Variants in MAGI1 observed in about 807,000 individuals in gnomAD.
The protein encoded by MAGI1 is membrane associated guanylate kinase, WW and PDZ domain containing 1, also known as membrane-associated guanylate kinase, WW and PDZ domain-containing protein 1.
In MAGI1, 58 loss-of-function variants were observed where a neutral mutation model predicts 139.9. That is an observed-to-expected ratio of 0.41 (90% CI 0.34 to 0.52). The LOEUF (loss-of-function observed/expected upper bound fraction) is 0.52. Among genes scored for constraint, MAGI1 ranks in the 20% least tolerant of loss-of-function variants. The probability of loss-of-function intolerance (pLI) is 0.12; values close to 1 mark genes in which losing one functional copy is unlikely to be tolerated. For missense variants in MAGI1, 1,874 were observed against 1,901.6 expected (o/e 0.99, Z 0.27); for synonymous variants, 812 against 737.9 (o/e 1.10, Z -1.63).
intron 1 of MAGI1, among the ~76,000 whole-genome samples, chr3:65,803,716 T>C (rs913118697): frequency 6.6e-6 from 1 of 152,112 alleles, no homozygotes; most frequent in Non-Finnish European, 1.5e-5. Context: ...TACCTTCCAG[T>C]AGGCCCCAGT....
intron 2 of MAGI1, among the ~76,000 whole-genome samples, chr3:65,561,027 C>T (rs990782034): frequency 6.6e-6 from 1 of 152,106 alleles, no homozygotes; most frequent in Non-Finnish European, 1.5e-5. Context: ...TAAATAAAAA[C>T]AAGCTGTCCA....
chr3:65,795,779 G>A (rs1221955346), intron 1 of MAGI1, among the ~76,000 whole-genome samples: 1 of 151,384 alleles, frequency 6.6e-6, no homozygotes, highest in Non-Finnish European at 1.5e-5. Flanking sequence ...CGAGGGGTGT[G>A]ATGGCTCATG....
chr3:65,591,213 C>T (rs998215085), intron 2 of MAGI1, among the ~76,000 whole-genome samples: 1 of 152,126 alleles, frequency 6.6e-6, no homozygotes, highest in African/African-American at 2.4e-5. Flanking sequence ...CAAAATGAAA[C>T]TCCTGATCTT....
chr3:65,520,577 CA>C (rs1281742171), intron 2 of MAGI1, among the ~76,000 whole-genome samples: 4 of 152,028 alleles, frequency 2.6e-5, no homozygotes, highest in East Asian at 1.9e-4. Context: ...AATGAGTACT[CA>C]AAAAAAGTGA....
At chr3:65,520,147 A>G (rs1240521423) in intron 2 of MAGI1, among the ~76,000 whole-genome samples, 1 of 152,244 alleles carries the variant, frequency 6.6e-6, no homozygotes, top group Non-Finnish European at 1.5e-5. Context: ...TTCCTGAAAC[A>G]GACACAAGCC....
At chr3:65,549,134 C>CA (rs1240531006) in intron 2 of MAGI1, among the ~76,000 whole-genome samples, 4 of 152,094 alleles carry the variant, frequency 2.6e-5, no homozygotes, top group Admixed American at 6.5e-5. Flanking sequence ...GCCCAAGAAA[C>CA]ATGGCTGGCT....
intron 2 of MAGI1, among the ~76,000 whole-genome samples, chr3:65,551,943 G>C (rs1176224162): frequency 6.6e-6 from 1 of 152,222 alleles, no homozygotes; most frequent in Non-Finnish European, 1.5e-5. Flanking sequence ...CTCATCAGAG[G>C]ACTAGATAAG....
intron 1 of MAGI1, among the ~76,000 whole-genome samples, chr3:65,738,565 C>G (rs941974162): frequency 2.0e-5 from 3 of 152,206 alleles, no homozygotes; most frequent in South Asian, 2.1e-4. Flanking sequence ...GAATCACTAT[C>G]TACGGCAGCT....
chr3:65,479,699 A>G (rs1951136251), intron 3 of MAGI1, among the ~76,000 whole-genome samples: 1 of 152,184 alleles, frequency 6.6e-6, no homozygotes, highest in African/African-American at 2.4e-5. Context: ...ATAATAAGAA[A>G]TTAATCAGCT....
At chr3:65,932,406 A>C (rs539648207) in intron 1 of MAGI1, among the ~76,000 whole-genome samples, 16 of 152,324 alleles carry the variant, frequency 1.1e-4, no homozygotes, top group Middle Eastern at 3.4e-3. Flanking sequence ...ATGTTTTCTA[A>C]AACTGCTCTC....
At chr3:65,609,747 G>C (rs2082946291) in intron 2 of MAGI1, 1 of 329,534 alleles carries the variant, frequency 3.0e-6, no homozygotes, top group African/African-American at 2.2e-5. Flanking sequence ...ACCATACCTG[G>C]GTAATTTTTT....
At chr3:65,876,353 C>T (rs899767547) in intron 1 of MAGI1, among the ~76,000 whole-genome samples, 1 of 151,790 alleles carries the variant, frequency 6.6e-6, no homozygotes, top group Admixed American at 6.6e-5. Flanking sequence ...CACCACCCCC[C>T]CCAAAAAAGG....
At chr3:65,659,866 C>T (rs1374214497) in intron 1 of MAGI1, among the ~76,000 whole-genome samples, 3 of 152,092 alleles carry the variant, frequency 2.0e-5, no homozygotes, top group Non-Finnish European at 2.9e-5. Flanking sequence ...CATTTCTCAA[C>T]CCCCAATCTC....
intron 2 of MAGI1, among the ~76,000 whole-genome samples, chr3:65,559,880 C>G (rs932747777): frequency 1.3e-5 from 2 of 151,968 alleles, no homozygotes; most frequent in Non-Finnish European, 2.9e-5. Context: ...ATAAAATATA[C>G]AAAAAGCTAG....
intron 1 of MAGI1, among the ~76,000 whole-genome samples, chr3:65,918,587 G>C (rs950393675): frequency 5.3e-5 from 8 of 151,932 alleles, no homozygotes; most frequent in African/African-American, 1.9e-4. Context: ...CACCATGTTG[G>C]TCAGGCTGGT....
At chr3:65,825,505 T>C (rs2042174165) in intron 1 of MAGI1, among the ~76,000 whole-genome samples, 1 of 152,136 alleles carries the variant, frequency 6.6e-6, no homozygotes, top group South Asian at 2.1e-4. Flanking sequence ...ATCAGAGCTC[T>C]TTCTTCCCTA....
At position 65,437,199 on chromosome 3, in the gene MAGI1, T is replaced by A; in HGVS notation, c.1319A>T (p.His440Leu). The change falls in exon 10 of 23, where the codon CAC becomes CTC. Residue 440 changes from histidine to leucine, a missense_variant. Physicochemically the swap from His to Leu is moderately conservative, Grantham distance 99 (BLOSUM62 -3). Transcript: ENST00000402939. ...SALVPPVIPNHPPSNPEPARE... is the reference protein window; with the variant it reads ...SALVPPVIPNLPPSNPEPARE... ...GGCTGGCTCTGGATTGCTTGGAGGGTGGTTTGGAATAACAGGAGGCACAAG... is the reference window on the plus strand; with the variant it reads ...GGCTGGCTCTGGATTGCTTGGAGGGAGGTTTGGAATAACAGGAGGCACAAG... 6.2e-7 allele frequency: 1 copy of A among 1,612,348 alleles called. No individual in the cohort carries two copies. The highest frequency in any genetic ancestry group is 1.7e-5 in the Admixed American group (1 of 59,958).
At chr3:65,410,162 T>A (rs1191503299) in intron 12 of MAGI1, among the ~76,000 whole-genome samples, 1 of 152,194 alleles carries the variant, frequency 6.6e-6, no homozygotes, top group Admixed American at 6.5e-5. Context: ...AAATAAATGG[T>A]CACTCCAGAG....
intron 1 of MAGI1, among the ~76,000 whole-genome samples, chr3:65,768,432 A>G (rs576274991): frequency 3.9e-5 from 6 of 152,268 alleles, no homozygotes; most frequent in African/African-American, 1.2e-4. Context: ...AAAAAAAAAG[A>G]AATTACTTAA....
Sources: allele counts gnomAD v4.1 joint callset (sites outside exome capture counted in the v4.1 genomes callset), GRCh38; gene constraint gnomAD v4.1.1; transcripts MANE v1.5; gene names NCBI Gene and HGNC (gene_info 2026-07-23, HGNC 2026-07-21).